The following SCFD1 variants were observed in gnomAD, a reference collection of about 807,000 sequenced individuals.
SCFD1 encodes the protein sec1 family domain-containing protein 1.
In SCFD1, 37 loss-of-function variants were observed where a neutral mutation model predicts 103.2. The ratio of observed to expected loss-of-function variants is 0.36; its 90% CI spans 0.28 to 0.47. The LOEUF (loss-of-function observed/expected upper bound fraction) is 0.47, where lower values mean the gene tolerates loss of function less well. Among genes scored for constraint, SCFD1 ranks in the 20% least tolerant of loss-of-function variants. The pLI is 1.00. For synonymous variants in SCFD1, 264 were observed against 245.0 expected (o/e 1.08, Z -0.73); for missense variants, 639 against 761.2 (o/e 0.84, Z 1.89).
chr14:30,639,912 G>C (rs371933259), intron 6 of SCFD1, 48 bp downstream of exon 6: 18 of 1,524,540 alleles, frequency 1.2e-5, no homozygotes, highest in Non-Finnish European at 1.4e-5. Flanking sequence ...AAAATGAATG[G>C]TATACTGTAA....
At chr14:30,640,056 C>A (rs184004412) in intron 6 of SCFD1, among the ~76,000 whole-genome samples, 192 bp downstream of exon 6, 22 of 152,260 alleles carry the variant, frequency 1.4e-4, no homozygotes, top group Admixed American at 1.2e-3. Context: ...GTTTAATAAA[C>A]CTGTTTTGTA....
chr14:30,676,111 TGTG>T (rs1889011589), intron 14 of SCFD1: 1 of 152,200 alleles, frequency 6.6e-6, no homozygotes, highest in African/African-American at 2.4e-5. Flanking sequence ...CATTGTCTCT[TGTG>T]GAGGTGATAC....
chr14:30,678,133 T>C (rs934911018), intron 14 of SCFD1, among the ~76,000 whole-genome samples: 3 of 152,048 alleles, frequency 2.0e-5, no homozygotes, highest in African/African-American at 7.2e-5. Flanking sequence ...CCACCGCGCC[T>C]GGCCGTAAAT....
Position 30,721,922 on chromosome 14 carries a change from G to A in SCFD1, c.1770+5G>A. The stretch of plus-strand genomic sequence containing the variant: ...AATAAAAATCCATTCCAAGAGGTAA[G>A]TTTCATATAAAAATTCTCTGTTCCT... On this transcript the variant is annotated splice_donor_5th_base_variant and intron_variant, in intron 22 of 24. Coordinates refer to ENST00000458591, the MANE Select transcript of SCFD1 (RefSeq NM_016106.4). The A allele has an allele frequency of 6.2e-7, 1 of 1,601,038 alleles. No homozygotes were observed. Among genetic ancestry groups the A allele is most frequent in the Non-Finnish European group, 8.6e-7 (1 of 1,169,170 alleles).
rs1245001162 is a variant in SCFD1, at chr14:30,622,356, A to G, written c.18A>G (p.Ala6=). The G allele has an allele frequency of 4.5e-6, 7 of 1,566,284 alleles. No homozygotes were observed. Among genetic ancestry groups the G allele is most frequent in the Admixed American group, 3.8e-5 (2 of 52,756 alleles). The change falls in exon 1 of 25, where the codon GCA becomes GCG. Residue 6 remains alanine, a synonymous_variant. Coordinates refer to ENST00000458591, the MANE Select transcript of SCFD1 (RefSeq NM_016106.4). MAAAA[A]ATAAAAASIR... ...GAGCCAAGATGGCGGCGGCGGCGGC[A>G]GCGACAGCAGCAGCAGCAGCCAGTA...
At chr14:30,635,759 G>C (rs576623922) in intron 4 of SCFD1, among the ~76,000 whole-genome samples, 1 of 152,082 alleles carries the variant, frequency 6.6e-6, no homozygotes, top group African/African-American at 2.4e-5. Context: ...CAATTCTCTT[G>C]TGGCCGTAAA....
Position 30,650,552 on chromosome 14 carries a change from T to C in SCFD1, c.670-13T>C, listed in dbSNP as rs565342428. 7.9e-5 allele frequency: 119 copies of C among 1,513,234 alleles called. 2 individuals carry two copies. The South Asian group carries it at 1.0e-3, about 13-fold the overall frequency. 93.7% of individuals were successfully genotyped at this position (1,513,234 alleles called of 1,614,324 possible). ...GAAACTGTTAAGAGTTAATCTAAAA[T>C]TTTATTTTTCAGAAACTAGACAAGA... is the stretch of plus-strand genomic sequence containing the variant. On this transcript the variant is annotated splice_polypyrimidine_tract_variant and intron_variant, in intron 8 of 24. Coordinates refer to ENST00000458591, the MANE Select transcript of SCFD1 (RefSeq NM_016106.4).
intron 10 of SCFD1, among the ~76,000 whole-genome samples, chr14:30,659,575 A>T (rs952408680): frequency 1.3e-5 from 2 of 152,176 alleles, no homozygotes; most frequent in Non-Finnish European, 2.9e-5. Context: ...ATGGCCGGCA[A>T]TGTATCTGGT....
At chr14:30,697,542 T>C (rs1890781616) in intron 15 of SCFD1, among the ~76,000 whole-genome samples, 1 of 152,142 alleles carries the variant, frequency 6.6e-6, no homozygotes, top group South Asian at 2.1e-4. Context: ...AAATACCTTA[T>C]TAGGTAACCA....
intron 2 of SCFD1, among the ~76,000 whole-genome samples, chr14:30,629,799 A>G (rs1488806050): frequency 6.6e-6 from 1 of 152,046 alleles, no homozygotes; most frequent in Non-Finnish European, 1.5e-5. Flanking sequence ...GATGGTCTCT[A>G]TCTCTTGACC....
At chr14:30,624,444 G>A (rs1159446182) in intron 1 of SCFD1, among the ~76,000 whole-genome samples, 2 of 152,108 alleles carry the variant, frequency 1.3e-5, no homozygotes, top group African/African-American at 4.8e-5. Flanking sequence ...TGGCAGTTCC[G>A]TCCTTTTAGT....
chr14:30,700,292 G>A (rs755821753), intron 16 of SCFD1, 34 bp downstream of exon 16: 2 of 1,369,564 alleles, frequency 1.5e-6, no homozygotes, highest in Non-Finnish European at 2.1e-6. Context: ...GGAGGAAGGG[G>A]AATGCTTGTT....
intron 10 of SCFD1, among the ~76,000 whole-genome samples, chr14:30,667,156 A>G (rs565406013): frequency 2.6e-5 from 4 of 152,368 alleles, no homozygotes; most frequent in Non-Finnish European, 4.4e-5. Context: ...AAAATCCTCA[A>G]TAAAATACTG....
In SCFD1 at chr14:30,702,276, T is replaced by C. The variant is rs1287722133; in HGVS notation, c.1411-20T>C. On this transcript the variant is annotated intron_variant, in intron 16 of 24. Coordinates refer to ENST00000458591, the MANE Select transcript of SCFD1 (RefSeq NM_016106.4). ...CTTGAAAGTAAAATTTTTTGTCATA[T>C]AGTTCTTTTCTTATTTCAGGCTGAT... 2 of 1,526,378 alleles carry C rather than the reference T, an allele frequency of 1.3e-6. No homozygotes were observed. The highest frequency in any genetic ancestry group is 2.3e-5 in the East Asian group (1 of 44,166). The allele number at this position is 1,526,378 out of a possible 1,614,324, so 94.6% of individuals were successfully genotyped here. A position where few individuals can be genotyped will look rare whatever the true frequency, so the allele number is the denominator to read the frequency against.
chr14:30,638,389 C>T, intron 5 of SCFD1, 142 bp downstream of exon 5: 1 of 1,182,328 alleles, frequency 8.5e-7, no homozygotes, highest in East Asian at 2.9e-5. Flanking sequence ...ATAAAGAGTT[C>T]TGATAATATA....
chr14:30,625,611 GTATACCTATATA>G, intron 1 of SCFD1, among the ~76,000 whole-genome samples: 1 of 68,242 alleles, frequency 1.5e-5, no homozygotes, highest in East Asian at 1.3e-3. Flanking sequence ...ATAGGTATAG[GTATACCTATATA>G]GGTATAGGTA....
At chr14:30,726,664 C>T (rs10483364) in intron 23 of SCFD1, among the ~76,000 whole-genome samples, 4,845 of 152,234 alleles carry the variant, frequency 0.032, 250 homozygotes, top group Admixed American at 0.15. Flanking sequence ...AATTGAGGAG[C>T]GTACTTAATC....
At chr14:30,625,008 A>C (rs1255528733) in intron 1 of SCFD1, among the ~76,000 whole-genome samples, 2 of 151,524 alleles carry the variant, frequency 1.3e-5, no homozygotes, top group East Asian at 1.9e-4. Flanking sequence ...TTACACCTCA[A>C]CTCCATCTTC....
At position 30,735,754 on chromosome 14, in the gene SCFD1, ATATACTTAATATG is replaced by A; in HGVS notation, c.*149_*161del. 2 of 560,118 alleles carry A rather than the reference ATATACTTAATATG, an allele frequency of 3.6e-6. No homozygotes were observed. The highest frequency in any genetic ancestry group is 3.2e-6 in the Non-Finnish European group (1 of 317,032). 34.7% of individuals were successfully genotyped at this position (560,118 alleles called of 1,614,324 possible). On this transcript the variant is annotated 3_prime_UTR_variant, in exon 25 of 25. Transcript: ENST00000458591. ...TTATTTGTTAATTTTTAAGGAAATT[ATATACTTAATATG>A]TATTGATTAAAAGAAACATTTCAGA...
Sources: allele counts gnomAD v4.1 joint callset (sites outside exome capture counted in the v4.1 genomes callset), GRCh38; gene constraint gnomAD v4.1.1; transcripts MANE v1.5; gene names NCBI Gene and HGNC (gene_info 2026-07-23, HGNC 2026-07-21).